OR4C6: variants seen among roughly 807,000 people sequenced by gnomAD.
OR4C6 encodes olfactory receptor 4C6.
Under a neutral mutation model 13.9 loss-of-function variants are expected in OR4C6, and 20 were observed. That is an observed-to-expected ratio of 1.43 (90% CI 1.01 to 2.08). OR4C6 has a LOEUF of 2.08. Ranked by LOEUF, OR4C6 falls within the 30% of genes most tolerant of loss-of-function variation. OR4C6 has a pLI of 0.00. For synonymous variants in OR4C6, 193 were observed against 141.5 expected (o/e 1.36, Z -2.58); for missense variants, 555 against 381.2 (o/e 1.46, Z -3.80).
At chr11:55,663,913 A>G (rs964541752) in intron 1 of OR4C6, among the ~76,000 whole-genome samples, 3 of 137,954 alleles carry the variant, frequency 2.2e-5, no homozygotes, top group African/African-American at 7.6e-5. Context: ...AATTTCTTAG[A>G]TGTGGCATCC....
chr11:55,665,417 T>A lies in OR4C6; in HGVS notation c.251T>A (p.Leu84His). The A allele has an allele frequency of 6.2e-7, 1 of 1,613,838 alleles. No homozygotes were observed. Among genetic ancestry groups the A allele is most frequent in the Middle Eastern group, 1.7e-4 (1 of 6,060 alleles). The part of the protein sequence containing the change: ...VVAPKVIVDT[L>H]SKSTTISLKG... The stretch of plus-strand genomic sequence containing the variant: ...GCCCCCAAGGTGATTGTAGACACCC[T>A]CTCCAAGAGCACTACCATCTCTCTC... The change falls in exon 2 of 2, where the codon CTC (leucine) becomes CAC (histidine). Residue 84 changes from leucine to histidine, a missense_variant. Transcript: ENST00000314259.
At position 55,665,208 on chromosome 11, in the gene OR4C6, T is replaced by C. The variant is rs2134330833; in HGVS notation, c.42T>C (p.Gly14=). ...QNNVTEFILL[G]LTENLELWKI... ...ATGTGACTGAATTCATTCTTCTGGGTCTCACAGAGAACCTGGAGCTGTGGA... is the reference window on the plus strand; with the variant it reads ...ATGTGACTGAATTCATTCTTCTGGGCCTCACAGAGAACCTGGAGCTGTGGA... Residue 14 remains glycine, a synonymous_variant, in exon 2 of 2, where the codon GGT becomes GGC. Coordinates refer to ENST00000314259, the MANE Select transcript of OR4C6 (RefSeq NM_001004704.2). 2 of 1,613,168 alleles carry C rather than the reference T, an allele frequency of 1.2e-6. No homozygotes were observed. The highest frequency in any genetic ancestry group is 1.7e-6 in the Non-Finnish European group (2 of 1,179,462).
rs201360921 is a variant in OR4C6, at chr11:55,665,459, A to C, written c.293A>C (p.Gln98Pro). ...TTISLKGCLT[Q>P]LFVEHFFGGV... ...ATCTCTCTCAAAGGCTGCCTCACCC[A>C]GCTGTTTGTGGAGCATTTCTTTGGT... Residue 98 changes from glutamine to proline, a missense_variant, in exon 2 of 2, where the codon CAG (glutamine) becomes CCG (proline). By Grantham distance (76) the Gln-to-Pro change is moderately conservative. Transcript: ENST00000314259. The C allele has an allele frequency of 3.0e-5, 49 of 1,613,756 alleles. 1 individual carries two copies. The highest frequency in any genetic ancestry group is 3.6e-5 in the Non-Finnish European group (43 of 1,179,978).
rs374116466 is a variant in OR4C6 at position 55,665,133 on chromosome 11, A to T, written c.-34A>T. The T allele has an allele frequency of 2.8e-5, 38 of 1,344,512 alleles. No individual in the cohort carries two copies. In the African/African-American group the frequency reaches 4.8e-4, roughly 17 times the overall value. The allele number at this position is 1,344,512 out of a possible 1,614,324, so 83.3% of individuals were successfully genotyped here. On this transcript the variant is annotated 5_prime_UTR_variant, in exon 2 of 2. Coordinates refer to ENST00000314259, the MANE Select transcript of OR4C6 (RefSeq NM_001004704.2). Reference sequence around the variant, plus strand: ...ATATCTTGCTTATTTAGGATTCTCAACTCTCAGCTGGAACTCATATCAACA... The same window carrying T: ...ATATCTTGCTTATTTAGGATTCTCATCTCTCAGCTGGAACTCATATCAACA...
Position 55,666,064 on chromosome 11 carries a change from TG to T in OR4C6, c.900del (p.Trp300Ter). 3 of 1,612,914 alleles carry T rather than the reference TG, an allele frequency of 1.9e-6. 1 individual carries two copies. Among genetic ancestry groups the T allele is most frequent in the South Asian group, 2.2e-5 (2 of 90,994 alleles). The stretch of plus-strand genomic sequence containing the variant: ...GGTGAAAAGTGCCATGAAGAAACTC[TG>T]GATGAAATGGGAGGCTTTGGCTGGG... ...AEVKSAMKKLWMKWEALAGK is the reference protein window; with the variant it reads ...AEVKSAMKKLXMKWEALAGK On this transcript the variant is annotated frameshift_variant, in exon 2 of 2. Transcript: ENST00000314259. LOFTEE classifies it high-confidence loss of function.
rs1307560190 is a variant in OR4C6, at chr11:55,662,226, C to T, written c.-65C>T. Reference sequence around the variant, plus strand: ...CATGAAGGTGGCTGATGGTGTGATTCAAGATTGAACTGGAAGTTCAAGGTA... The same window carrying T: ...CATGAAGGTGGCTGATGGTGTGATTTAAGATTGAACTGGAAGTTCAAGGTA... On this transcript the variant is annotated 5_prime_UTR_variant, in exon 1 of 2. It introduces an in-frame stop codon into an upstream open reading frame of the 5' UTR. Coordinates refer to ENST00000314259, the MANE Select transcript of OR4C6 (RefSeq NM_001004704.2). 3.6e-5 allele frequency: 5 copies of T among 138,486 alleles called. No homozygotes were observed. Among genetic ancestry groups the T allele is most frequent in the African/African-American group, 1.3e-4 (5 of 39,700 alleles). 8.6% of individuals were successfully genotyped at this position (138,486 alleles called of 1,614,324 possible). A position where few individuals can be genotyped will look rare whatever the true frequency, so the allele number is the denominator to read the frequency against.
At chr11:55,664,513 TA>T (rs1430867943) in intron 1 of OR4C6, among the ~76,000 whole-genome samples, 1 of 152,048 alleles carries the variant, frequency 6.6e-6, no homozygotes, top group Non-Finnish European at 1.5e-5. Context: ...AAAGAATCAA[TA>T]TTTTTTTAAA....
chr11:55,665,493 G>C lies in OR4C6; in HGVS notation c.327G>C (p.Gly109=). ...TGGAGCATTTCTTTGGTGGTGTGGG[G>C]ATCATCCTCCTCACTGTGATGGCCT... The part of the protein sequence containing the change: ...LFVEHFFGGV[G]IILLTVMAYD... Residue 109 remains glycine (G), a synonymous_variant, in exon 2 of 2, where the codon GGG becomes GGC. Coordinates refer to ENST00000314259, the MANE Select transcript of OR4C6 (RefSeq NM_001004704.2). 6.2e-7 allele frequency: 1 copy of C among 1,613,858 alleles called. No homozygotes were observed. Among genetic ancestry groups the C allele is most frequent in the Admixed American group, 1.7e-5 (1 of 59,988 alleles).
intron 1 of OR4C6, among the ~76,000 whole-genome samples, chr11:55,664,118 A>G (rs1858703190): frequency 6.6e-6 from 1 of 152,024 alleles, no homozygotes; most frequent in Admixed American, 6.6e-5. Flanking sequence ...CGTGCAAGAT[A>G]TTTAACTCCT....
In OR4C6 at chr11:55,665,352, C is replaced by A; in HGVS notation, c.186C>A (p.Thr62=). The stretch of plus-strand genomic sequence containing the variant: ...GGTCACCTATGTATTTTTTTCTTAC[C>A]TTCTTGTCCCTTTTGGATGTCATGT... ...SLRSPMYFFL[T]FLSLLDVMFS... The change falls in exon 2 of 2, where the codon ACC becomes ACA. Residue 62 remains threonine (T), a synonymous_variant. Transcript: ENST00000314259. The A allele has an allele frequency of 6.2e-7, 1 of 1,613,328 alleles. No individual in the cohort carries two copies. The highest frequency in any genetic ancestry group is 8.5e-7 in the Non-Finnish European group (1 of 1,179,660).
rs374918478 is a variant in OR4C6, at chr11:55,665,941, C to T, written c.775C>T (p.Pro259Ser). ...CCCCTGTATTTTCTTGTACATGAGG[C>T]CTGTGGTCACTCACCCCATAGACAA... is the stretch of plus-strand genomic sequence containing the variant. ...FVPCIFLYMR[P>S]VVTHPIDKAM... is the part of the protein sequence containing the mutation. The change falls in exon 2 of 2, where the codon CCT becomes TCT. Residue 259 changes from proline to serine, a missense_variant. Coordinates refer to ENST00000314259, the MANE Select transcript of OR4C6 (RefSeq NM_001004704.2). 1.2e-5 allele frequency: 20 copies of T among 1,613,898 alleles called. No individual in the cohort carries two copies. The highest frequency in any genetic ancestry group is 1.6e-5 in the Non-Finnish European group (19 of 1,179,970).
At chr11:55,664,298 G>A (rs982109029) in intron 1 of OR4C6, among the ~76,000 whole-genome samples, 1 of 152,010 alleles carries the variant, frequency 6.6e-6, no homozygotes, top group Non-Finnish European at 1.5e-5. Context: ...GAAATCCTTT[G>A]TTCCATTTAG....
At position 55,665,673 on chromosome 11, in the gene OR4C6, T is replaced by C. The variant is rs1336057009; in HGVS notation, c.507T>C (p.Pro169=). Residue 169 remains proline, a synonymous_variant, in exon 2 of 2, where the codon CCT becomes CCC. Transcript: ENST00000314259. The part of the protein sequence containing the change: ...LFMYQIPFCG[P]NIIDHFICDL... ...TGTATCAAATACCCTTCTGTGGTCC[T>C]AATATCATAGATCACTTTATATGTG... The C allele has an allele frequency of 1.9e-6, 3 of 1,613,990 alleles. No individual in the cohort carries two copies. Among genetic ancestry groups the C allele is most frequent in the Admixed American group, 1.7e-5 (1 of 60,006 alleles).
chr11:55,665,871 C>G lies in OR4C6; in HGVS notation c.705C>G (p.Leu235=). ...SYSSKGRHKA[L]STCSSHLTVV... ...GCTCTAAAGGGCGGCACAAAGCCCT[C>G]TCTACCTGCAGCTCCCACCTCACGG... is the stretch of plus-strand genomic sequence containing the variant. The change falls in exon 2 of 2, where the codon CTC becomes CTG. Residue 235 remains leucine (L), a synonymous_variant. Transcript: ENST00000314259. The G allele has an allele frequency of 1.2e-6, 2 of 1,613,924 alleles. No individual in the cohort carries two copies. The highest frequency in any genetic ancestry group is 1.7e-6 in the Non-Finnish European group (2 of 1,179,980).
At chr11:55,665,083 C>T in intron 1 of OR4C6, 42 bp from the exon 2 acceptor site, 2 of 864,422 alleles carry the variant, frequency 2.3e-6, no homozygotes, top group East Asian at 2.4e-5. Flanking sequence ...ATACAAGAAG[C>T]CAAATTAGTC....
chr11:55,665,839 T>C lies in OR4C6; in HGVS notation c.673T>C (p.Ser225Pro). 2 of 1,613,896 alleles carry C rather than the reference T, an allele frequency of 1.2e-6. No individual in the cohort carries two copies. The highest frequency in any genetic ancestry group is 1.7e-6 in the Non-Finnish European group (2 of 1,180,008). ...CACGGTCATCCTATGCTCCCTGAAG[T>C]CTTACAGCTCTAAAGGGCGGCACAA... is the stretch of plus-strand genomic sequence containing the variant. ...SYTVILCSLK[S>P]YSSKGRHKAL... Residue 225 changes from serine (S) to proline (P), a missense_variant, in exon 2 of 2, where the codon TCT (serine) becomes CCT (proline). Physicochemically the swap from Ser to Pro is moderately conservative, Grantham distance 74 (BLOSUM62 -1). Coordinates refer to ENST00000314259, the MANE Select transcript of OR4C6 (RefSeq NM_001004704.2).
chr11:55,663,080 G>A (rs186560221), intron 1 of OR4C6, among the ~76,000 whole-genome samples: 1 of 138,706 alleles, frequency 7.2e-6, no homozygotes, highest in Admixed American at 7.8e-5. Flanking sequence ...ATTGAGGACT[G>A]GGGAGGTTGA....
At chr11:55,663,604 C>T (rs1222993668) in intron 1 of OR4C6, among the ~76,000 whole-genome samples, 1 of 138,412 alleles carries the variant, frequency 7.2e-6, no homozygotes. Flanking sequence ...CAGCAGCATG[C>T]TCAAATACAG....
intron 1 of OR4C6, 98 bp from the exon 2 acceptor site, chr11:55,665,027 G>T: frequency 3.3e-6 from 2 of 606,126 alleles, no homozygotes; most frequent in Non-Finnish European, 5.8e-6. Flanking sequence ...CCTAGATGGA[G>T]AATACATGGG....
Sources: allele counts gnomAD v4.1 joint callset (sites outside exome capture counted in the v4.1 genomes callset), GRCh38; gene constraint gnomAD v4.1.1; transcripts MANE v1.5; gene names NCBI Gene and HGNC (gene_info 2026-07-23, HGNC 2026-07-21).